CDH9: variants seen among roughly 807,000 people sequenced by gnomAD.
The protein encoded by CDH9 is cadherin-9.
Under a neutral mutation model 70.9 loss-of-function variants are expected in CDH9, and 28 were observed. The ratio of observed to expected loss-of-function variants is 0.40; its 90% CI spans 0.29 to 0.54. CDH9 has a LOEUF of 0.54. Among genes scored for constraint, CDH9 ranks in the 20% least tolerant of loss-of-function variants. The probability of loss-of-function intolerance (pLI) is 0.59; values close to 1 mark genes in which losing one functional copy is unlikely to be tolerated. For missense variants in CDH9, 874 were observed against 984.4 expected, an observed-to-expected ratio of 0.89 and a Z score of 1.50; for synonymous variants, 409 against 343.1, an observed-to-expected ratio of 1.19 and a Z score of -2.12.
intron 1 of CDH9, among the ~76,000 whole-genome samples, chr5:26,993,436 A>G (rs1742613933): frequency 6.6e-6 from 1 of 152,192 alleles, no homozygotes; most frequent in South Asian, 2.1e-4. Context: ...TTTAGCAAGA[A>G]TAAAACAAAG....
chr5:26,888,126 G>T (rs1001561330), intron 9 of CDH9, among the ~76,000 whole-genome samples: 3 of 151,942 alleles, frequency 2.0e-5, no homozygotes, highest in East Asian at 1.9e-4. Flanking sequence ...GATTTTAAAA[G>T]AATTCACACT....
intron 2 of CDH9, among the ~76,000 whole-genome samples, chr5:26,947,205 A>G (rs1741770020): frequency 6.6e-6 from 1 of 151,988 alleles, no homozygotes; most frequent in Admixed American, 6.6e-5. Context: ...GCAATATACC[A>G]CTCCTAAGCT....
chr5:26,970,770 C>A (rs1374010905), intron 2 of CDH9, among the ~76,000 whole-genome samples: 1 of 151,528 alleles, frequency 6.6e-6, no homozygotes. Flanking sequence ...AAAAAAAAAT[C>A]TCATTTTGCA....
intron 1 of CDH9, among the ~76,000 whole-genome samples, chr5:27,035,898 A>C (rs2112140922): frequency 6.6e-6 from 1 of 151,942 alleles, no homozygotes; most frequent in East Asian, 1.9e-4. Context: ...CATCTGCATT[A>C]ATATTGAATA....
chr5:26,956,302 G>A (rs1189693393), intron 2 of CDH9, among the ~76,000 whole-genome samples: 1 of 152,046 alleles, frequency 6.6e-6, no homozygotes, highest in African/African-American at 2.4e-5. Context: ...TGATTGTGAG[G>A]CTTCCTAAGC....
At chr5:26,975,835 T>C (rs1206749214) in intron 2 of CDH9, among the ~76,000 whole-genome samples, 1 of 152,164 alleles carries the variant, frequency 6.6e-6, no homozygotes, top group Non-Finnish European at 1.5e-5. Context: ...CAGTTATGGG[T>C]AGTAGAGACT....
chr5:26,985,624 A>G (rs911284735), intron 2 of CDH9, among the ~76,000 whole-genome samples: 1 of 152,068 alleles, frequency 6.6e-6, no homozygotes, highest in African/African-American at 2.4e-5. Flanking sequence ...ATCATTTTCT[A>G]TGATTCCCAG....
At chr5:26,989,504 C>CTCTG (rs1229694899) in intron 1 of CDH9, among the ~76,000 whole-genome samples, 2 of 126,674 alleles carry the variant, frequency 1.6e-5, no homozygotes, top group Non-Finnish European at 3.5e-5. Context: ...TCTCTCTCTT[C>CTCTG]TCTGTCTCTC....
chr5:26,954,478 G>A (rs1327641369), intron 2 of CDH9, among the ~76,000 whole-genome samples: 2 of 133,220 alleles, frequency 1.5e-5, no homozygotes, highest in African/African-American at 5.5e-5. Flanking sequence ...TTCGCCTCCC[G>A]GGTTCACGCC....
chr5:26,901,015 A>G (rs1036860341), intron 7 of CDH9, among the ~76,000 whole-genome samples: 6 of 152,046 alleles, frequency 3.9e-5, no homozygotes, highest in African/African-American at 1.4e-4. Context: ...TCAATAAAAC[A>G]CAAATCTACA....
chr5:26,982,698 G>GT (rs913470150), intron 2 of CDH9, among the ~76,000 whole-genome samples: 12 of 151,206 alleles, frequency 7.9e-5, no homozygotes, highest in South Asian at 4.2e-4. Flanking sequence ...TTGTTTTTTT[G>GT]TTTTTTTTGA....
chr5:26,969,920 A>G (rs1239786743), intron 2 of CDH9, among the ~76,000 whole-genome samples: 6 of 141,374 alleles, frequency 4.2e-5, no homozygotes, highest in Non-Finnish European at 9.2e-5. Context: ...ATATGTACAA[A>G]TATATATATA....
chr5:26,960,720 G>T (rs1431393846), intron 2 of CDH9, among the ~76,000 whole-genome samples: 1 of 151,758 alleles, frequency 6.6e-6, no homozygotes, highest in Non-Finnish European at 1.5e-5. Flanking sequence ...TTAATATGTT[G>T]TTCTTTTCTA....
intron 3 of CDH9, among the ~76,000 whole-genome samples, chr5:26,910,903 T>C (rs140540605): frequency 2.7e-5 from 4 of 148,130 alleles, no homozygotes; most frequent in South Asian, 2.2e-4. Flanking sequence ...TAAATGTTTG[T>C]GCTGTGGGGG....
intron 1 of CDH9, among the ~76,000 whole-genome samples, chr5:27,015,264 A>G (rs1005234196): frequency 6.6e-6 from 1 of 151,788 alleles, no homozygotes; most frequent in African/African-American, 2.4e-5. Flanking sequence ...GGAGGGTATT[A>G]TTTTATCTCT....
chr5:27,021,499 C>T (rs1471147475), intron 1 of CDH9, among the ~76,000 whole-genome samples: 2 of 151,762 alleles, frequency 1.3e-5, no homozygotes, highest in African/African-American at 4.8e-5. Context: ...TGATTTATTT[C>T]CCTACACTTA....
At chr5:26,995,500 C>T (rs1457613200) in intron 1 of CDH9, among the ~76,000 whole-genome samples, 3 of 151,924 alleles carry the variant, frequency 2.0e-5, no homozygotes, top group Non-Finnish European at 4.4e-5. Context: ...CTATGTAGTC[C>T]TTTGATGGTA....
At chr5:27,001,105 A>G (rs751582325) in intron 1 of CDH9, among the ~76,000 whole-genome samples, 27 of 152,264 alleles carry the variant, frequency 1.8e-4, no homozygotes, top group South Asian at 1.4e-3. Context: ...ATGAACCTTA[A>G]TGTATACAAA....
chr5:26,889,979 G>T, intron 8 of CDH9, 22 bp from the exon 9 acceptor site: 1 of 1,606,864 alleles, frequency 6.2e-7, no homozygotes, highest in Non-Finnish European at 8.5e-7. Context: ...ACACGTGTAA[G>T]ATTTCAGTCT....
Sources: gnomAD v4.1 joint callset for allele counts (sites outside exome capture counted in the v4.1 genomes callset) on GRCh38, gnomAD v4.1.1 for gene constraint, MANE v1.5 for transcripts, NCBI Gene and HGNC (gene_info 2026-07-23, HGNC 2026-07-21) for gene names.